Variants in ALPK2 observed in about 807,000 individuals in gnomAD.
ALPK2 encodes alpha-protein kinase 2.
ALPK2 carries 127 observed loss-of-function variants against 163.1 expected under a neutral mutation model. That is an observed-to-expected ratio of 0.78 (90% CI 0.67 to 0.90). The LOEUF is 0.90. ALPK2 is among the 40% of genes least tolerant of loss of function. The pLI, the probability that ALPK2 is intolerant of heterozygous loss-of-function variation, is 0.00. For missense variants in ALPK2, 2,360 were observed against 2,589.6 expected, an observed-to-expected ratio of 0.91 and a Z score of 1.92; for synonymous variants, 953 against 959.1, an observed-to-expected ratio of 0.99 and a Z score of 0.12.
At chr18:58,560,209 T>C (rs1178383528) in intron 4 of ALPK2, among the ~76,000 whole-genome samples, 1 of 152,228 alleles carries the variant, frequency 6.6e-6, no homozygotes, top group Admixed American at 6.5e-5. Context: ...CAAGATCTGA[T>C]GGTTTTGAAA....
At chr18:58,510,327 C>A (rs1194269742) in intron 10 of ALPK2, among the ~76,000 whole-genome samples, 3 of 152,156 alleles carry the variant, frequency 2.0e-5, no homozygotes, top group East Asian at 1.9e-4. Context: ...GCGATGCCTC[C>A]AGCTTTGTTC....
chr18:58,604,331 A>G (rs187016581), intron 3 of ALPK2, among the ~76,000 whole-genome samples: 1 of 152,342 alleles, frequency 6.6e-6, no homozygotes, highest in East Asian at 1.9e-4. Context: ...TAATCTTTGA[A>G]AGGCATTTGC....
intron 3 of ALPK2, among the ~76,000 whole-genome samples, chr18:58,592,830 G>A (rs2052021193): frequency 6.6e-6 from 1 of 152,228 alleles, no homozygotes; most frequent in South Asian, 2.1e-4. Flanking sequence ...CGTTGGAGAA[G>A]CCACTTGACA....
At chr18:58,576,640 C>T (rs2144194678) in intron 4 of ALPK2, among the ~76,000 whole-genome samples, 1 of 152,304 alleles carries the variant, frequency 6.6e-6, no homozygotes, top group African/African-American at 2.4e-5. Flanking sequence ...AATTTGGCTA[C>T]ATTGTATACG....
intron 3 of ALPK2, among the ~76,000 whole-genome samples, chr18:58,586,799 G>T (rs1381095403): frequency 6.6e-6 from 1 of 151,948 alleles, no homozygotes; most frequent in Admixed American, 6.6e-5. Flanking sequence ...CACCATGGCT[G>T]CTTGAGGCAG....
intron 12 of ALPK2, among the ~76,000 whole-genome samples, chr18:58,483,826 A>G (rs1175673095): frequency 1.3e-5 from 2 of 151,420 alleles, no homozygotes; most frequent in Admixed American, 1.3e-4. Context: ...CGGCCTCCCA[A>G]AGTGCTGGGA....
chr18:58,573,532 C>A (rs2051901357), intron 4 of ALPK2, among the ~76,000 whole-genome samples: 1 of 148,992 alleles, frequency 6.7e-6, no homozygotes, highest in Admixed American at 6.7e-5. Context: ...GCATGAGCCC[C>A]TGCACCTAGC....
intron 12 of ALPK2, among the ~76,000 whole-genome samples, chr18:58,487,898 T>C (rs2051348324): frequency 6.6e-6 from 1 of 152,204 alleles, no homozygotes; most frequent in South Asian, 2.1e-4. Context: ...TAGCATTCAA[T>C]ATATAGTCTT....
chr18:58,512,920 A>G (rs60079447), intron 10 of ALPK2, among the ~76,000 whole-genome samples: 114,301 of 138,536 alleles, frequency 0.83, 45,709 homozygotes, highest in East Asian at 0.99. Context: ...TGTATGTGTG[A>G]TGTGTGGGGT....
chr18:58,602,911 A>G lies in ALPK2; in HGVS notation c.227+4411T>C, dbSNP rs968913654. On this transcript the variant is annotated intron_variant, in intron 3 of 12. Transcript: ENST00000361673. ...GCTAATTATAATGTGTTAGATGCCAAAAGACACTCCCACCAGCACCATGAC... is the reference window on the plus strand; with the variant it reads ...GCTAATTATAATGTGTTAGATGCCAGAAGACACTCCCACCAGCACCATGAC... Among the ~76,000 whole-genome samples, 4 of 152,200 alleles carry G rather than the reference A, an allele frequency of 2.6e-5. No homozygotes were observed. The East Asian group carries it at 7.7e-4, about 29-fold the overall frequency.
At chr18:58,507,285 G>A (rs2051466768) in intron 10 of ALPK2, among the ~76,000 whole-genome samples, 1 of 152,182 alleles carries the variant, frequency 6.6e-6, no homozygotes, top group Non-Finnish European at 1.5e-5. Context: ...ACCTATGCAT[G>A]CAAAGACGTG....
chr18:58,494,737 C>T (rs954714856), intron 12 of ALPK2, among the ~76,000 whole-genome samples: 22 of 152,124 alleles, frequency 1.4e-4, no homozygotes, highest in Non-Finnish European at 2.9e-4. Flanking sequence ...AGAACTTGCT[C>T]GATCAACCCT....
chr18:58,578,999 G>A lies in ALPK2; in HGVS notation c.1777C>T (p.Arg593Trp), dbSNP rs769585347. ...TCTCTTGCATCAGCATGGGAACTCC[G>A]ACCAGTCGCTGCTGCTGTGGTGTGA... Reference protein sequence around the residue: ...TSHTTAAATGRSSHADARECA... With the variant: ...TSHTTAAATGWSSHADARECA... The change falls in exon 4 of 13, where the codon CGG becomes TGG. Residue 593 changes from arginine (R) to tryptophan (W), a missense_variant. Arg to Trp is a moderately radical substitution (Grantham distance 101). Transcript: ENST00000361673. The A allele has an allele frequency of 7.4e-6, 12 of 1,614,202 alleles. No homozygotes were observed. Among genetic ancestry groups the A allele is most frequent in the South Asian group, 6.6e-5 (6 of 91,074 alleles).
At chr18:58,571,928 A>G (rs956418185) in intron 4 of ALPK2, among the ~76,000 whole-genome samples, 2 of 147,082 alleles carry the variant, frequency 1.4e-5, no homozygotes, top group African/African-American at 5.0e-5. Context: ...GTCAGCCAAG[A>G]TCGTGCCACT....
chr18:58,488,028 C>A (rs2051349232), intron 12 of ALPK2, among the ~76,000 whole-genome samples: 1 of 152,016 alleles, frequency 6.6e-6, no homozygotes, highest in African/African-American at 2.4e-5. Flanking sequence ...GCATTTCTAC[C>A]AGGCTCTGGG....
intron 3 of ALPK2, among the ~76,000 whole-genome samples, chr18:58,603,097 C>T (rs572408131): frequency 6.6e-6 from 1 of 152,286 alleles, no homozygotes; most frequent in Admixed American, 6.5e-5. Flanking sequence ...CTCAGGCGAG[C>T]AGCCTATACC....
chr18:58,508,434 G>T (rs1440085781), intron 10 of ALPK2, among the ~76,000 whole-genome samples: 1 of 152,168 alleles, frequency 6.6e-6, no homozygotes, highest in Non-Finnish European at 1.5e-5. Flanking sequence ...GGATGAGATA[G>T]GAGGTTAGCA....
chr18:58,583,146 T>C (rs1219957945), intron 3 of ALPK2, among the ~76,000 whole-genome samples: 2 of 152,158 alleles, frequency 1.3e-5, no homozygotes, highest in East Asian at 3.9e-4. Flanking sequence ...AAGAAATATA[T>C]TTTTAGAGTC....
chr18:58,539,014 A>G (rs757898034), intron 4 of ALPK2, among the ~76,000 whole-genome samples: 5 of 152,100 alleles, frequency 3.3e-5, no homozygotes, highest in Non-Finnish European at 7.4e-5. Context: ...CTAATGTTGA[A>G]CTTTCTAGCC....
Sources: allele counts gnomAD v4.1 joint callset (sites outside exome capture counted in the v4.1 genomes callset), GRCh38; gene constraint gnomAD v4.1.1; transcripts MANE v1.5; gene names NCBI Gene and HGNC (gene_info 2026-07-23, HGNC 2026-07-21).